Variants in HYDIN observed in about 807,000 individuals in gnomAD.
HYDIN encodes the protein axonemal central pair apparatus protein HYDIN.
Under a neutral mutation model 403.9 loss-of-function variants are expected in HYDIN, and 132 were observed. The ratio of observed to expected loss-of-function variants is 0.33; its 90% confidence interval spans 0.28 to 0.38. The LOEUF (loss-of-function observed/expected upper bound fraction) is 0.38, where lower values mean the gene tolerates loss of function less well. Ranked by LOEUF, HYDIN falls within the 10% of genes least tolerant of loss-of-function variation. HYDIN has a pLI of 1.00. For synonymous variants in HYDIN, 1,202 were observed against 1,891.7 expected (o/e 0.64, Z 9.46); for missense variants, 2,827 against 5,009.5 (o/e 0.56, Z 13.15).
intron 47 of HYDIN, among the ~76,000 whole-genome samples, chr16:70,913,407 T>C (rs1352072175): frequency 6.6e-6 from 1 of 152,072 alleles, no homozygotes; most frequent in East Asian, 1.9e-4. Flanking sequence ...GGGAGCAGGT[T>C]ATTTAATTTT....
intron 47 of HYDIN, among the ~76,000 whole-genome samples, chr16:70,911,809 G>A (rs1010631085): frequency 6.6e-6 from 1 of 150,596 alleles, no homozygotes; most frequent in African/African-American, 2.5e-5. Context: ...AGTTTTCCTT[G>A]CAGAGGTCTT....
At chr16:70,881,490 C>T (rs2040802869) in intron 60 of HYDIN, among the ~76,000 whole-genome samples, 1 of 145,000 alleles carries the variant, frequency 6.9e-6, no homozygotes, top group African/African-American at 2.8e-5. Context: ...TGCCTGTAGT[C>T]CCAGCTACTT....
In HYDIN at chr16:71,110,424, TAA is replaced by T. The variant is rs1297090541; in HGVS notation, c.1327+5270_1327+5271del. On this transcript the variant is annotated intron_variant, in intron 10 of 85. Coordinates refer to ENST00000393567, the MANE Select transcript of HYDIN (RefSeq NM_001270974.2). ...TATTTATATATAATATATTTATATA[TAA>T]TTATAAATATATAAATAATATAATA... Among the ~76,000 whole-genome samples, 1,264 of 141,542 alleles carry T rather than the reference TAA, an allele frequency of 8.9e-3. 15 individuals carry two copies. The highest frequency in any genetic ancestry group is 0.032 in the African/African-American group (1,224 of 38,366). 92.9% of individuals were successfully genotyped at this position (141,542 alleles called of 152,430 possible). A position where few individuals can be genotyped will look rare whatever the true frequency, so the allele number is the denominator to read the frequency against.
chr16:71,083,773 G>A (rs953197540), intron 12 of HYDIN, among the ~76,000 whole-genome samples: 3 of 151,284 alleles, frequency 2.0e-5, no homozygotes, highest in Admixed American at 6.6e-5. Flanking sequence ...CTGTCCAGCC[G>A]AGGTCATGAG....
At chr16:70,902,522 G>A (rs12599379) in intron 52 of HYDIN, among the ~76,000 whole-genome samples, 2 of 147,940 alleles carry the variant, frequency 1.4e-5, no homozygotes, top group East Asian at 2.0e-4. Context: ...AGGAGGCTGA[G>A]GCAGGAGAAT....
At chr16:71,201,769 T>C (rs2144707462) in intron 1 of HYDIN, among the ~76,000 whole-genome samples, 1 of 152,368 alleles carries the variant, frequency 6.6e-6, no homozygotes, top group East Asian at 1.9e-4. Flanking sequence ...ATTTGAATTC[T>C]TAGATCCAGC....
intron 18 of HYDIN, among the ~76,000 whole-genome samples, chr16:71,039,281 T>C (rs7404029): frequency 2.0e-5 from 3 of 152,192 alleles, no homozygotes; most frequent in Non-Finnish European, 4.4e-5. Context: ...ATAGATTACA[T>C]GCTCAGTCAG....
chr16:71,039,067 G>A (rs1184674720), intron 18 of HYDIN, among the ~76,000 whole-genome samples: 1 of 150,530 alleles, frequency 6.6e-6, no homozygotes, highest in African/African-American at 2.4e-5. Flanking sequence ...ATGGTGTAGA[G>A]CTTTACACGG....
chr16:70,820,180 CTTTTTTCTTTTTTTTTT>C (rs1270161764), intron 83 of HYDIN, among the ~76,000 whole-genome samples: 2 of 137,696 alleles, frequency 1.5e-5, no homozygotes, highest in African/African-American at 2.7e-5. Flanking sequence ...ATTTTTTTTT[CTTTTTTCTTTTTTTTTT>C]TTTTTTTTTT....
intron 40 of HYDIN, among the ~76,000 whole-genome samples, chr16:70,953,649 T>G (rs1353872161): frequency 6.6e-6 from 1 of 152,122 alleles, no homozygotes; most frequent in Non-Finnish European, 1.5e-5. Flanking sequence ...TGGGCTTTTC[T>G]GGCTGCTTCA....
rs1272712838 is a variant in HYDIN at position 70,944,019 on chromosome 16, C to A, written c.6532-70G>T. On this transcript the variant is annotated intron_variant, in intron 41 of 85. Transcript: ENST00000393567. ...TCTCAACAACTCCTACACTTACCAG[C>A]CACAGGACCTTGGGAAGATCACATA... is the stretch of plus-strand genomic sequence containing the variant. The A allele has an allele frequency of 5.9e-5, 68 of 1,159,576 alleles. No individual in the cohort carries two copies. The East Asian group carries it at 1.5e-3, about 25-fold the overall frequency. The allele number at this position is 1,159,576 out of a possible 1,614,324, so 71.8% of individuals were successfully genotyped here.
intron 43 of HYDIN, among the ~76,000 whole-genome samples, chr16:70,940,331 G>C (rs894458166): frequency 6.6e-6 from 1 of 151,526 alleles, no homozygotes; most frequent in Non-Finnish European, 1.5e-5. Flanking sequence ...CTGCATTTGA[G>C]CTCCTTCCCG....
chr16:70,911,557 A>G (rs938314580), intron 47 of HYDIN, among the ~76,000 whole-genome samples: 1 of 131,626 alleles, frequency 7.6e-6, no homozygotes, highest in Non-Finnish European at 1.7e-5. Flanking sequence ...ATGCCTCCAG[A>G]TTTGTTCTTT....
At chr16:70,890,308 C>A (rs143831593) in intron 57 of HYDIN, among the ~76,000 whole-genome samples, 19 of 152,162 alleles carry the variant, frequency 1.2e-4, no homozygotes, top group Non-Finnish European at 2.9e-5. Flanking sequence ...GACCAGAACA[C>A]GTGAAGTTCA....
At chr16:70,865,201 C>G (rs1425281181) in intron 67 of HYDIN, 2 of 378,930 alleles carry the variant, frequency 5.3e-6, no homozygotes, top group East Asian at 1.5e-4. Flanking sequence ...TTGGCTACCC[C>G]CATTCTCACT....
Position 70,803,149 on chromosome 16 carries a change from A to T in HYDIN, c.*4431T>A, listed in dbSNP as rs2143399936. 6.6e-6 allele frequency among the ~76,000 whole-genome samples: 1 copy of T among 152,282 alleles called. No homozygotes were observed. Among genetic ancestry groups the T allele is most frequent in the South Asian group, 2.1e-4 (1 of 4,824 alleles). ...TAATGATACAGTTTTTAATAATTCA[A>T]ACAATAAGGAATTTTTTTTTTACCA... On this transcript the variant is annotated 3_prime_UTR_variant, in exon 86 of 86. Coordinates refer to ENST00000393567, the MANE Select transcript of HYDIN (RefSeq NM_001270974.2).
rs532674726 is a variant in HYDIN, at chr16:71,016,154, C to T, written c.3644+1975G>A. Among the ~76,000 whole-genome samples, 68 of 152,142 alleles carry T rather than the reference C, an allele frequency of 4.5e-4. 1 individual carries two copies. In the South Asian group the frequency reaches 0.01, roughly 23 times the overall value. Reference sequence around the variant, plus strand: ...ACCACACCAAACTAAAAAGCTTCTGCGCAGCAAAGGAAAGAATAGAGTGAA... The same window carrying T: ...ACCACACCAAACTAAAAAGCTTCTGTGCAGCAAAGGAAAGAATAGAGTGAA... On this transcript the variant is annotated intron_variant, in intron 23 of 85. Transcript: ENST00000393567.
At chr16:70,886,935 T>C (rs2041174706) in intron 58 of HYDIN, among the ~76,000 whole-genome samples, 1 of 152,152 alleles carries the variant, frequency 6.6e-6, no homozygotes. Context: ...GTTTACATCT[T>C]TTGCCAAATT....
In HYDIN at chr16:71,129,690, G is replaced by C; in HGVS notation, c.1177C>G (p.Gln393Glu). Residue 393 changes from glutamine (Q) to glutamate (E), a missense_variant, in exon 9 of 86, where the codon CAG (glutamine) becomes GAG (glutamate). Coordinates refer to ENST00000393567, the MANE Select transcript of HYDIN (RefSeq NM_001270974.2). The part of the protein sequence containing the change: ...RTFANQRRLV[Q>E]GDSKLFFNNV... Reference sequence around the variant, plus strand: ...TTGAAGAACAGCTTGCTGTCTCCCTGCACCAGCCTCCTCTGATTCGCAAAG... The same window carrying C: ...TTGAAGAACAGCTTGCTGTCTCCCTCCACCAGCCTCCTCTGATTCGCAAAG... 1 of 1,614,022 alleles carries C rather than the reference G, an allele frequency of 6.2e-7. No individual in the cohort carries two copies. Among genetic ancestry groups the C allele is most frequent in the Non-Finnish European group, 8.5e-7 (1 of 1,180,038 alleles).
Sources: gnomAD v4.1 joint callset for allele counts (sites outside exome capture counted in the v4.1 genomes callset) on GRCh38, gnomAD v4.1.1 for gene constraint, MANE v1.5 for transcripts, NCBI Gene and HGNC (gene_info 2026-07-23, HGNC 2026-07-21) for gene names.